HDAC4: variants seen among roughly 807,000 people sequenced by gnomAD.
HDAC4 encodes the protein histone deacetylase A.
Under a neutral mutation model 135.1 loss-of-function variants are expected in HDAC4, and 16 were observed. That is an observed-to-expected ratio of 0.12 (90% CI 0.08 to 0.18). HDAC4 has a LOEUF of 0.18. Among genes scored for constraint, HDAC4 ranks in the 10% least tolerant of loss-of-function variants. The probability of loss-of-function intolerance (pLI) is 1.00; values close to 1 mark genes in which losing one functional copy is unlikely to be tolerated. For missense variants in HDAC4, 1,143 were observed against 1,511.8 expected (o/e 0.76, Z 4.05); for synonymous variants, 685 against 653.4 (o/e 1.05, Z -0.74).
chr2:239,266,809 T>C (rs1021508444), intron 2 of HDAC4, among the ~76,000 whole-genome samples: 8 of 152,276 alleles, frequency 5.3e-5, no homozygotes, highest in African/African-American at 1.7e-4. Context: ...TGACGGTGTC[T>C]ACAAGGCACC....
At chr2:239,168,253 G>T (rs559595263) in intron 5 of HDAC4, among the ~76,000 whole-genome samples, 63 of 152,288 alleles carry the variant, frequency 4.1e-4, no homozygotes, top group African/African-American at 1.5e-3. Flanking sequence ...CGTGTGGACC[G>T]CAGTGAGAGA....
In HDAC4 at chr2:239,103,929, A is replaced by C. The variant is rs1203658890; in HGVS notation, c.2113-1033T>G. ...CTCAGTCCCCGCCCACAGGGGAGAG[A>C]CCTCCAGAGGGCAGGTGCGCTGGGC... On this transcript the variant is annotated intron_variant, in intron 15 of 26. Transcript: ENST00000543185. Among the ~76,000 whole-genome samples, 8 of 152,288 alleles carry C rather than the reference A, an allele frequency of 5.3e-5. No individual in the cohort carries two copies. The South Asian group carries it at 1.5e-3, about 28-fold the overall frequency.
chr2:239,125,037 C>T (rs529202240), intron 12 of HDAC4, among the ~76,000 whole-genome samples: 22 of 152,302 alleles, frequency 1.4e-4, no homozygotes, highest in Non-Finnish European at 2.8e-4. Context: ...GGCGTGTGGC[C>T]GCGCATCACA....
intron 1 of HDAC4, among the ~76,000 whole-genome samples, chr2:239,373,097 T>C (rs1207877489): frequency 6.6e-6 from 1 of 152,114 alleles, no homozygotes; most frequent in East Asian, 1.9e-4. Flanking sequence ...TGTGGCCCTG[T>C]GGAGCACAGC....
At chr2:239,078,030 G>C (rs1217051832) in intron 22 of HDAC4, among the ~76,000 whole-genome samples, 1 of 152,136 alleles carries the variant, frequency 6.6e-6, no homozygotes, top group Non-Finnish European at 1.5e-5. Context: ...TCTAAGCTAC[G>C]AACCACGGGC....
chr2:239,060,184 T>C (rs2032471782), intron 24 of HDAC4, among the ~76,000 whole-genome samples: 1 of 152,188 alleles, frequency 6.6e-6, no homozygotes, highest in Admixed American at 6.5e-5. Context: ...CTCCATCCAC[T>C]GGGGCATTTC....
chr2:239,335,443 T>G, intron 2 of HDAC4, among the ~76,000 whole-genome samples: 1 of 132,632 alleles, frequency 7.5e-6, no homozygotes, highest in South Asian at 2.3e-4. Flanking sequence ...TAATATAGAA[T>G]ATCTTCAAAT....
At chr2:239,394,593 A>G (rs1269651689) in intron 1 of HDAC4, among the ~76,000 whole-genome samples, 2 of 152,170 alleles carry the variant, frequency 1.3e-5, no homozygotes, top group Non-Finnish European at 2.9e-5. Flanking sequence ...CTCCACTTGC[A>G]TTTATGACAT....
At position 239,079,801 on chromosome 2, in the gene HDAC4, C is replaced by T. The variant is rs1022760551; in HGVS notation, c.2750+1294G>A. ...ACGTGCATGCAAAGACACACAAGCA[C>T]ACGTGTGTACTCATATACAGATGTG... On this transcript the variant is annotated intron_variant, in intron 22 of 26. Transcript: ENST00000543185. Among the ~76,000 whole-genome samples the T allele has an allele frequency of 5.8e-4, 88 of 152,090 alleles. 2 individuals are homozygous for T. The highest frequency in any genetic ancestry group is 5.2e-3 in the Admixed American group (79 of 15,270).
chr2:239,213,181 G>A (rs2153101469), intron 3 of HDAC4, among the ~76,000 whole-genome samples: 1 of 151,380 alleles, frequency 6.6e-6, no homozygotes, highest in East Asian at 2.0e-4. Context: ...TGAGGAGGAG[G>A]AGGGCTTAGC....
At chr2:239,178,660 G>A (rs2043932488) in intron 4 of HDAC4, among the ~76,000 whole-genome samples, 1 of 152,212 alleles carries the variant, frequency 6.6e-6, no homozygotes, top group African/African-American at 2.4e-5. Context: ...CTGGGATTAC[G>A]AGCGTGAGCT....
At chr2:239,276,790 C>G (rs549023413) in intron 2 of HDAC4, among the ~76,000 whole-genome samples, 1 of 152,226 alleles carries the variant, frequency 6.6e-6, no homozygotes, top group Non-Finnish European at 1.5e-5. Context: ...CGAGGCAAGA[C>G]GGCAGAGGGA....
intron 4 of HDAC4, among the ~76,000 whole-genome samples, chr2:239,181,122 A>AGG (rs2044122659): frequency 6.6e-6 from 1 of 152,254 alleles, no homozygotes; most frequent in Non-Finnish European, 1.5e-5. Flanking sequence ...CATTGGGGAC[A>AGG]GGACCTGCCG....
At chr2:239,252,642 C>A (rs898135993) in intron 2 of HDAC4, among the ~76,000 whole-genome samples, 5 of 152,178 alleles carry the variant, frequency 3.3e-5, no homozygotes, top group Admixed American at 3.3e-4. Flanking sequence ...GGTCTGTGCC[C>A]GCCACCTCCT....
At chr2:239,261,980 C>G (rs952931085) in intron 2 of HDAC4, among the ~76,000 whole-genome samples, 4 of 152,170 alleles carry the variant, frequency 2.6e-5, no homozygotes, top group Admixed American at 6.5e-5. Context: ...AGCCCCCGGC[C>G]CCTACAGGTT....
intron 17 of HDAC4, among the ~76,000 whole-genome samples, chr2:239,093,288 C>T (rs964574824): frequency 6.6e-6 from 1 of 152,190 alleles, no homozygotes; most frequent in Non-Finnish European, 1.5e-5. Flanking sequence ...CAGCTGCTTT[C>T]GGGGAAGGTG....
chr2:239,156,618 G>C (rs763551886), intron 7 of HDAC4, 34 bp downstream of exon 7: 3 of 1,613,764 alleles, frequency 1.9e-6, no homozygotes, highest in Admixed American at 3.3e-5. Context: ...CCGTGCAGGA[G>C]ACCTCCCGGC....
intron 2 of HDAC4, among the ~76,000 whole-genome samples, chr2:239,318,353 T>A (rs567066917): frequency 5.9e-5 from 9 of 152,302 alleles, no homozygotes; most frequent in Admixed American, 5.2e-4. Context: ...AAAAACATTT[T>A]ACAAAATAGC....
intron 5 of HDAC4, among the ~76,000 whole-genome samples, chr2:239,164,155 AATC>A (rs1388341145): frequency 5.9e-5 from 9 of 152,246 alleles, no homozygotes; most frequent in African/African-American, 1.9e-4. Context: ...ATGCAGATTT[AATC>A]ATCCGAAAGA....
Sources: gnomAD v4.1 joint callset for allele counts (sites outside exome capture counted in the v4.1 genomes callset) on GRCh38, gnomAD v4.1.1 for gene constraint, MANE v1.5 for transcripts, NCBI Gene and HGNC (gene_info 2026-07-23, HGNC 2026-07-21) for gene names.